Variants in AXDND1 observed in about 807,000 individuals in gnomAD.
AXDND1 encodes axonemal dynein light chain domain-containing protein 1.
A neutral mutation model predicts 137.5 loss-of-function variants in AXDND1; 110 were observed. That is an observed-to-expected ratio of 0.80 (90% CI 0.69 to 0.94). The LOEUF (loss-of-function observed/expected upper bound fraction) is 0.94, where lower values mean the gene tolerates loss of function less well. AXDND1 is among the 40% of genes least tolerant of loss of function. The probability of loss-of-function intolerance (pLI) is 0.00; values close to 1 mark genes in which losing one functional copy is unlikely to be tolerated. For missense variants in AXDND1, 1,191 were observed against 1,169.8 expected (o/e 1.02, Z -0.26); for synonymous variants, 414 against 399.7 (o/e 1.04, Z -0.43).
chr1:179,500,337 A>ATCTGTGTGTG (rs1051109914), intron 20 of AXDND1, among the ~76,000 whole-genome samples: 1 of 133,816 alleles, frequency 7.5e-6, no homozygotes, highest in Admixed American at 7.6e-5. Flanking sequence ...AGGGTACATT[A>ATCTGTGTGTG]TGTGTGTGTG....
chr1:179,552,728 G>T, intron 25 of AXDND1: 1 of 1,457,746 alleles, frequency 6.9e-7, no homozygotes, highest in Non-Finnish European at 9.6e-7. Flanking sequence ...CCATGATTTA[G>T]GGGCCAAAGC....
chr1:179,419,025 C>T lies in AXDND1; in HGVS notation c.1230+7759C>T, dbSNP rs545948097. Among the ~76,000 whole-genome samples, 274 of 151,472 alleles carry T rather than the reference C, an allele frequency of 1.8e-3. 1 individual carries two copies. The highest frequency in any genetic ancestry group is 4.8e-3 in the African/African-American group (198 of 41,198). On this transcript the variant is annotated intron_variant, in intron 12 of 25. Coordinates refer to ENST00000367618, the MANE Select transcript of AXDND1 (RefSeq NM_144696.6). ...CCCCACATCTCAGACGATGGGCGGC[C>T]GGACAGAGACGCTCCTCACTTCCTA... is the stretch of plus-strand genomic sequence containing the variant.
chr1:179,491,592 A>G lies in AXDND1; in HGVS notation c.2146A>G (p.Met716Val), dbSNP rs763353180. The G allele has an allele frequency of 1.2e-6, 2 of 1,613,526 alleles. No homozygotes were observed. The highest frequency in any genetic ancestry group is 1.7e-6 in the Non-Finnish European group (2 of 1,179,480). ...IQWMVNLLIL[M>V]IPNFTDQDCL... Reference sequence around the variant, plus strand: ...GTGGATGGTAAACTTGCTGATTTTAATGATACCCAACTTTACTGACCAAGA... The same window carrying G: ...GTGGATGGTAAACTTGCTGATTTTAGTGATACCCAACTTTACTGACCAAGA... The change falls in exon 19 of 26, where the codon ATG (methionine) becomes GTG (valine). Residue 716 changes from methionine (M) to valine (V), a missense_variant. Physicochemically the swap from Met to Val is conservative, Grantham distance 21. Transcript: ENST00000367618.
chr1:179,421,929 A>G (rs1655797588), intron 12 of AXDND1, among the ~76,000 whole-genome samples: 2 of 151,850 alleles, frequency 1.3e-5, no homozygotes. Context: ...AATCCCGGCT[A>G]CTTGGGAGGC....
intron 12 of AXDND1, among the ~76,000 whole-genome samples, chr1:179,428,458 A>G (rs1054891763): frequency 1.3e-5 from 2 of 152,394 alleles, no homozygotes; most frequent in East Asian, 3.9e-4. Flanking sequence ...AGTGTCTAGA[A>G]CAGTATTTCA....
chr1:179,384,313 A>G (rs1197766589), intron 8 of AXDND1, among the ~76,000 whole-genome samples: 1 of 152,120 alleles, frequency 6.6e-6, no homozygotes, highest in Non-Finnish European at 1.5e-5. Flanking sequence ...TGGAGACATC[A>G]TGCCTCTTTA....
intron 14 of AXDND1, among the ~76,000 whole-genome samples, chr1:179,430,947 C>T (rs1045302394): frequency 1.3e-5 from 2 of 152,048 alleles, no homozygotes; most frequent in Non-Finnish European, 2.9e-5. Context: ...TATGCAGAGA[C>T]GTAAAACCAA....
chr1:179,395,144 A>G lies in AXDND1; in HGVS notation c.1051A>G (p.Thr351Ala). 1.9e-6 allele frequency: 3 copies of G among 1,613,718 alleles called. No individual in the cohort carries two copies. The highest frequency in any genetic ancestry group is 2.5e-6 in the Non-Finnish European group (3 of 1,179,840). ...RAHDVKLTKETEKAHKDLAQA... is the reference protein window; with the variant it reads ...RAHDVKLTKEAEKAHKDLAQA... ...ACATGATGTGAAATTAACAAAGGAA[A>G]CAGAAAAAGCCCACAAGGATTTGGC... The change falls in exon 11 of 26, where the codon ACA (threonine) becomes GCA (alanine). Residue 351 changes from threonine to alanine, a missense_variant. Coordinates refer to ENST00000367618, the MANE Select transcript of AXDND1 (RefSeq NM_144696.6).
chr1:179,405,717 T>G (rs969521468), intron 11 of AXDND1, among the ~76,000 whole-genome samples: 5 of 152,112 alleles, frequency 3.3e-5, no homozygotes. Context: ...TCTTTTTGTT[T>G]GTTTGTTTGT....
chr1:179,390,539 C>T (rs758253795), intron 9 of AXDND1, among the ~76,000 whole-genome samples: 15 of 152,226 alleles, frequency 9.9e-5, no homozygotes, highest in Non-Finnish European at 1.5e-4. Context: ...TCTCACTATA[C>T]GTTAAGTCAT....
At chr1:179,383,602 T>G in intron 8 of AXDND1, 58 bp downstream of exon 8, 1 of 1,329,512 alleles carries the variant, frequency 7.5e-7, no homozygotes, top group Non-Finnish European at 1.1e-6. Flanking sequence ...GGAGGCAGAT[T>G]GCCTAGGTTA....
At chr1:179,483,630 C>G (rs1201698440) in intron 18 of AXDND1, among the ~76,000 whole-genome samples, 1 of 152,104 alleles carries the variant, frequency 6.6e-6, no homozygotes, top group East Asian at 1.9e-4. Flanking sequence ...TACATTAATC[C>G]CTTCTTTGGC....
At chr1:179,501,220 C>T (rs1421751129) in intron 20 of AXDND1, among the ~76,000 whole-genome samples, 1 of 152,044 alleles carries the variant, frequency 6.6e-6, no homozygotes, top group Non-Finnish European at 1.5e-5. Flanking sequence ...GAATAGCTAA[C>T]ACACTTTTGA....
intron 12 of AXDND1, among the ~76,000 whole-genome samples, chr1:179,424,814 T>G (rs1656321783): frequency 6.6e-6 from 1 of 152,210 alleles, no homozygotes; most frequent in African/African-American, 2.4e-5. Flanking sequence ...TTCCTCTTCT[T>G]GATGCATTCT....
intron 21 of AXDND1, among the ~76,000 whole-genome samples, chr1:179,516,499 A>G (rs10913809): frequency 0.2 from 30,196 of 152,070 alleles, 3,177 homozygotes; most frequent in Non-Finnish European, 0.23. Flanking sequence ...CTGGTGAGCT[A>G]GTGTGATTTT....
intron 11 of AXDND1, among the ~76,000 whole-genome samples, chr1:179,404,065 T>A (rs1652541331): frequency 6.6e-6 from 1 of 152,222 alleles, no homozygotes; most frequent in Non-Finnish European, 1.5e-5. Flanking sequence ...AGTGTTTGTG[T>A]AAGTTTTGAT....
At chr1:179,526,120 A>G (rs1572172338) in intron 22 of AXDND1, among the ~76,000 whole-genome samples, 1 of 151,818 alleles carries the variant, frequency 6.6e-6, no homozygotes, top group African/African-American at 2.4e-5. Flanking sequence ...TTAAAACTCC[A>G]TATTTCTACT....
In AXDND1 at chr1:179,458,644, G is replaced by GA. The variant is rs543509949; in HGVS notation, c.1799-9793dup. Among the ~76,000 whole-genome samples the GA allele has an allele frequency of 4.1e-3, 626 of 151,926 alleles. 4 individuals are homozygous for GA. Among genetic ancestry groups the GA allele is most frequent in the African/African-American group, 0.014 (601 of 41,512 alleles). On this transcript the variant is annotated intron_variant, in intron 16 of 25. Coordinates refer to ENST00000367618, the MANE Select transcript of AXDND1 (RefSeq NM_144696.6). ...AATACATTTCATAAAAATATTAAGA[G>GA]AAAAAACTGTGTGATCATATAAGAG...
chr1:179,515,038 CA>C (rs1207977543), intron 21 of AXDND1, among the ~76,000 whole-genome samples: 1 of 152,160 alleles, frequency 6.6e-6, no homozygotes, highest in Non-Finnish European at 1.5e-5. Context: ...TTAGGTAGAG[CA>C]TTTAAGCCAT....
Sources: allele counts gnomAD v4.1 joint callset (sites outside exome capture counted in the v4.1 genomes callset), GRCh38; gene constraint gnomAD v4.1.1; transcripts MANE v1.5; gene names NCBI Gene and HGNC (gene_info 2026-07-23, HGNC 2026-07-21).